The following CIMIP6 variants were observed in gnomAD, a reference collection of about 807,000 sequenced individuals.
The protein encoded by CIMIP6 is ciliary microtubule inner protein 6, also known as uncharacterized protein C2orf73.
the CIMIP6 span, among the ~76,000 whole-genome samples, chr2:54,341,125 T>C: frequency 1.6e-4 from 25 of 152,204 alleles, no homozygotes; most frequent in Non-Finnish European, 2.8e-4. Context: ...TGCTTTACAA[T>C]CTTATCACAG....
chr2:54,378,071 G>A, the CIMIP6 span, among the ~76,000 whole-genome samples: 8 of 152,158 alleles, frequency 5.3e-5, no homozygotes, highest in East Asian at 5.8e-4. Context: ...CTGCAGAGCC[G>A]GGAGCATCAG....
the CIMIP6 span, among the ~76,000 whole-genome samples, chr2:54,370,506 C>T: frequency 9.2e-5 from 14 of 151,964 alleles, no homozygotes; most frequent in African/African-American, 3.4e-4. Flanking sequence ...ATACAGTTGA[C>T]ATGTTTTTTG....
At chr2:54,378,749 T>C in the CIMIP6 span, among the ~76,000 whole-genome samples, 1 of 152,200 alleles carries the variant, frequency 6.6e-6, no homozygotes, top group African/African-American at 2.4e-5. Context: ...CTCTACTCTG[T>C]TTAAATCAAA....
At chr2:54,359,597 CAATAATAAT>C in the CIMIP6 span, among the ~76,000 whole-genome samples, 1,919 of 149,106 alleles carry the variant, frequency 0.013, 24 homozygotes, top group South Asian at 0.039. Flanking sequence ...TTTCTAATAA[CAATAATAAT>C]AATAATAATA....
the CIMIP6 span, among the ~76,000 whole-genome samples, chr2:54,345,270 G>A: frequency 6.6e-6 from 1 of 152,160 alleles, no homozygotes; most frequent in African/African-American, 2.4e-5. Flanking sequence ...ATTGGACAAA[G>A]AGTAGTACAT....
chr2:54,330,974 C>T, the CIMIP6 span: 3 of 1,613,280 alleles, frequency 1.9e-6, no homozygotes, highest in African/African-American at 4.0e-5. Flanking sequence ...CCGTAGAGGC[C>T]CATGGAGGAA....
At chr2:54,349,102 T>A in the CIMIP6 span, among the ~76,000 whole-genome samples, 7 of 152,388 alleles carry the variant, frequency 4.6e-5, no homozygotes, top group East Asian at 9.6e-4. Context: ...TATTTCAATG[T>A]TCTTTTGAAT....
the CIMIP6 span, among the ~76,000 whole-genome samples, chr2:54,355,120 A>T: frequency 6.6e-6 from 1 of 152,118 alleles, no homozygotes. Context: ...TGGATATAAA[A>T]ACTCTAGGCT....
At chr2:54,355,816 C>T in the CIMIP6 span, among the ~76,000 whole-genome samples, 6 of 152,038 alleles carry the variant, frequency 3.9e-5, no homozygotes, top group Non-Finnish European at 5.9e-5. Flanking sequence ...TGTTCTGTAT[C>T]TTTGAGGATA....
At chr2:54,377,884 A>C in the CIMIP6 span, among the ~76,000 whole-genome samples, 1 of 152,204 alleles carries the variant, frequency 6.6e-6, no homozygotes, top group Non-Finnish European at 1.5e-5. Flanking sequence ...GATTGTTGTA[A>C]AAAGAAAAAG....
the CIMIP6 span, among the ~76,000 whole-genome samples, chr2:54,344,610 C>T: frequency 1.3e-5 from 2 of 152,088 alleles, no homozygotes; most frequent in East Asian, 1.9e-4. Flanking sequence ...ATAAAGGCTC[C>T]AGTCATGAGC....
At chr2:54,345,087 A>T in the CIMIP6 span, among the ~76,000 whole-genome samples, 1 of 152,166 alleles carries the variant, frequency 6.6e-6, no homozygotes. Context: ...AAATGTAGGG[A>T]GGCAAAATTA....
At chr2:54,353,639 G>T in the CIMIP6 span, among the ~76,000 whole-genome samples, 1 of 152,088 alleles carries the variant, frequency 6.6e-6, no homozygotes, top group African/African-American at 2.4e-5. Context: ...TTAGATTATT[G>T]CATGCCTTTC....
At chr2:54,379,784 T>C in the CIMIP6 span, among the ~76,000 whole-genome samples, 3 of 151,214 alleles carry the variant, frequency 2.0e-5, no homozygotes, top group Non-Finnish European at 4.4e-5. Context: ...GAGACCAGCC[T>C]GACCAACATA....
the CIMIP6 span, among the ~76,000 whole-genome samples, chr2:54,380,843 G>A: frequency 5.3e-5 from 8 of 152,200 alleles, no homozygotes; most frequent in Non-Finnish European, 7.3e-5. Flanking sequence ...CACAAAAGAC[G>A]TAGTTGGTTT....
chr2:54,337,709 CT>C, the CIMIP6 span, among the ~76,000 whole-genome samples: 1 of 152,302 alleles, frequency 6.6e-6, no homozygotes, highest in African/African-American at 2.4e-5. Context: ...TTAAGAGCTG[CT>C]ATCATCAAGA....
At chr2:54,371,831 C>CT in the CIMIP6 span, among the ~76,000 whole-genome samples, 2 of 152,150 alleles carry the variant, frequency 1.3e-5, no homozygotes, top group African/African-American at 4.8e-5. Context: ...AGAACTGAGT[C>CT]TATGGAAGCA....
the CIMIP6 span, among the ~76,000 whole-genome samples, chr2:54,378,852 A>G: frequency 2.5e-4 from 38 of 152,288 alleles, no homozygotes; most frequent in Non-Finnish European, 2.1e-4. Flanking sequence ...AGACCTTGTT[A>G]TCTCTACTCC....
At chr2:54,332,188 T>G in the CIMIP6 span, among the ~76,000 whole-genome samples, 1 of 152,182 alleles carries the variant, frequency 6.6e-6, no homozygotes, top group African/African-American at 2.4e-5. Context: ...TCTCTTCCCC[T>G]CTTTTTTCAT....
Sources: allele counts gnomAD v4.1 joint callset (sites outside exome capture counted in the v4.1 genomes callset), GRCh38; gene constraint gnomAD v4.1.1; transcripts MANE v1.5; gene names NCBI Gene and HGNC (gene_info 2026-07-23, HGNC 2026-07-21).